Variants in GPC6 observed in about 807,000 individuals in gnomAD.
The protein encoded by GPC6 is glypican 6, also known as glypican-6.
Under a neutral mutation model 55.2 loss-of-function variants are expected in GPC6, and 14 were observed. The ratio of observed to expected loss-of-function variants is 0.25; its 90% CI spans 0.17 to 0.40. The LOEUF is 0.40. GPC6 is among the 10% of genes least tolerant of loss of function. The probability of loss-of-function intolerance (pLI) is 1.00; values close to 1 mark genes in which losing one functional copy is unlikely to be tolerated. For synonymous variants in GPC6, 278 were observed against 259.6 expected (o/e 1.07, Z -0.68); for missense variants, 641 against 708.5 (o/e 0.90, Z 1.08).
chr13:94,221,298 A>G (rs1890375925), intron 4 of GPC6, among the ~76,000 whole-genome samples: 1 of 152,186 alleles, frequency 6.6e-6, no homozygotes, highest in South Asian at 2.1e-4. Context: ...TCCCAGAAGT[A>G]AACCAATCAT....
At chr13:94,161,510 T>C (rs907695217) in intron 4 of GPC6, among the ~76,000 whole-genome samples, 1 of 152,222 alleles carries the variant, frequency 6.6e-6, no homozygotes, top group African/African-American at 2.4e-5. Flanking sequence ...TTAACAAGAC[T>C]TGGTATTCTC....
intron 4 of GPC6, among the ~76,000 whole-genome samples, chr13:94,102,918 G>T (rs987102659): frequency 5.9e-5 from 9 of 152,074 alleles, no homozygotes; most frequent in Non-Finnish European, 1.3e-4. Context: ...TTAAGTTCTA[G>T]GGTACATGTG....
chr13:93,991,673 G>C (rs564063919), intron 3 of GPC6, among the ~76,000 whole-genome samples: 1 of 152,204 alleles, frequency 6.6e-6, no homozygotes, highest in East Asian at 1.9e-4. Context: ...GTACACAACT[G>C]TAGCCATCAG....
chr13:94,161,474 T>C (rs1419838759), intron 4 of GPC6, among the ~76,000 whole-genome samples: 2 of 152,240 alleles, frequency 1.3e-5, no homozygotes, highest in African/African-American at 4.8e-5. Flanking sequence ...CATTTACATG[T>C]CTTATTAGCA....
chr13:94,394,953 G>GA (rs1436505335), intron 7 of GPC6, among the ~76,000 whole-genome samples: 6 of 152,134 alleles, frequency 3.9e-5, no homozygotes, highest in Non-Finnish European at 5.9e-5. Flanking sequence ...ATGACTCTCA[G>GA]CTAACCATGC....
intron 1 of GPC6, among the ~76,000 whole-genome samples, chr13:93,467,432 G>A (rs2590549): frequency 0.18 from 27,194 of 152,016 alleles, 3,001 homozygotes; most frequent in East Asian, 0.49. Flanking sequence ...TGGACTCCTC[G>A]TGGAGCATGA....
chr13:94,240,203 C>T (rs1288463161), intron 4 of GPC6, among the ~76,000 whole-genome samples: 6 of 152,056 alleles, frequency 3.9e-5, no homozygotes, highest in Non-Finnish European at 8.8e-5. Context: ...GGCTGGATTT[C>T]ACCCCCTCCT....
intron 2 of GPC6, among the ~76,000 whole-genome samples, chr13:93,702,791 G>C (rs1247175195): frequency 6.6e-6 from 1 of 151,894 alleles, no homozygotes; most frequent in Non-Finnish European, 1.5e-5. Context: ...GAGTTTTCTT[G>C]TGTAACCTCC....
At chr13:94,005,077 A>C (rs1041007504) in intron 3 of GPC6, among the ~76,000 whole-genome samples, 29 of 152,124 alleles carry the variant, frequency 1.9e-4, no homozygotes, top group African/African-American at 7.0e-4. Flanking sequence ...CAGCCCCCAA[A>C]ATATCTGAAT....
At chr13:94,107,661 T>C (rs889243564) in intron 4 of GPC6, among the ~76,000 whole-genome samples, 1 of 150,986 alleles carries the variant, frequency 6.6e-6, no homozygotes, top group Non-Finnish European at 1.5e-5. Context: ...CATGTACAAC[T>C]ATAAAATATG....
rs554345903 is a variant in GPC6 at position 94,058,054 on chromosome 13, A to G, written c.877+30160A>G. ...AAAGGAATGTCTTAGTAAGAGTCCCACTAATTCTTAAAGAGCTGGGAAATA... is the reference window on the plus strand; with the variant it reads ...AAAGGAATGTCTTAGTAAGAGTCCCGCTAATTCTTAAAGAGCTGGGAAATA... On this transcript the variant is annotated intron_variant, in intron 4 of 8. Coordinates refer to ENST00000377047, the MANE Select transcript of GPC6 (RefSeq NM_005708.5). Among the ~76,000 whole-genome samples, 10 of 152,328 alleles carry G rather than the reference A, an allele frequency of 6.6e-5. No homozygotes were observed. The South Asian group carries it at 1.5e-3, about 22-fold the overall frequency.
chr13:94,194,827 ACT>A (rs1354537733), intron 4 of GPC6, among the ~76,000 whole-genome samples: 5 of 151,846 alleles, frequency 3.3e-5, no homozygotes, highest in Admixed American at 1.3e-4. Flanking sequence ...TAGTTCTGAA[ACT>A]CTATACAGAA....
intron 3 of GPC6, among the ~76,000 whole-genome samples, chr13:93,851,715 TAC>T (rs1284202416): frequency 6.6e-6 from 1 of 151,878 alleles, no homozygotes; most frequent in Non-Finnish European, 1.5e-5. Flanking sequence ...GTATTTACTC[TAC>T]AGTTTGTTAA....
At chr13:94,397,373 C>T (rs1880939096) in intron 7 of GPC6, among the ~76,000 whole-genome samples, 1 of 152,132 alleles carries the variant, frequency 6.6e-6, no homozygotes, top group East Asian at 1.9e-4. Context: ...TACCCCTAGG[C>T]AGCTTAGGCA....
intron 3 of GPC6, among the ~76,000 whole-genome samples, chr13:93,907,163 A>G (rs1417421585): frequency 1.3e-5 from 2 of 152,136 alleles, no homozygotes; most frequent in East Asian, 1.9e-4. Context: ...CAATCCTTCA[A>G]TTATTGAAAA....
At chr13:94,234,905 A>G (rs1025862784) in intron 4 of GPC6, among the ~76,000 whole-genome samples, 10 of 152,172 alleles carry the variant, frequency 6.6e-5, no homozygotes, top group Non-Finnish European at 1.2e-4. Flanking sequence ...GAGTTATGTA[A>G]AGTAGTCAAA....
At chr13:93,946,332 A>C (rs572725839) in intron 3 of GPC6, among the ~76,000 whole-genome samples, 18 of 152,274 alleles carry the variant, frequency 1.2e-4, no homozygotes, top group Admixed American at 1.0e-3. Flanking sequence ...AGGTCTTGCT[A>C]TGTTGCCCAG....
intron 2 of GPC6, among the ~76,000 whole-genome samples, chr13:93,788,901 A>G (rs776430852): frequency 1.1e-4 from 16 of 152,132 alleles, no homozygotes; most frequent in South Asian, 2.1e-4. Flanking sequence ...GGGATTAAGT[A>G]AAAAAGGGAA....
At chr13:93,670,599 G>C (rs1264837514) in intron 2 of GPC6, among the ~76,000 whole-genome samples, 2 of 152,130 alleles carry the variant, frequency 1.3e-5, no homozygotes, top group Admixed American at 1.3e-4. Flanking sequence ...GACTGGGGAA[G>C]CTAAAATGAA....
Sources: gnomAD v4.1 joint callset for allele counts (sites outside exome capture counted in the v4.1 genomes callset) on GRCh38, gnomAD v4.1.1 for gene constraint, MANE v1.5 for transcripts, NCBI Gene and HGNC (gene_info 2026-07-23, HGNC 2026-07-21) for gene names.